Variants in MLC1 observed in about 807,000 individuals in gnomAD.
MLC1 encodes the protein membrane protein MLC1.
A neutral mutation model predicts 44.7 loss-of-function variants in MLC1; 32 were observed. The observed-to-expected ratio is 0.72, with a 90% CI of 0.54 to 0.96. The LOEUF (loss-of-function observed/expected upper bound fraction) is 0.96. MLC1 is among the 40% of genes least tolerant of loss of function. MLC1 has a pLI of 0.00. For synonymous variants in MLC1, 190 were observed against 213.0 expected, an observed-to-expected ratio of 0.89 and a Z score of 0.94; for missense variants, 459 against 492.2, an observed-to-expected ratio of 0.93 and a Z score of 0.64.
chr22:50,078,306 T>C (rs1365478216), intron 5 of MLC1, among the ~76,000 whole-genome samples: 1 of 151,852 alleles, frequency 6.6e-6, no homozygotes, highest in Non-Finnish European at 1.5e-5. Flanking sequence ...ATTTTTAAAA[T>C]ACATTTAAAA....
At chr22:50,070,616 G>T in intron 8 of MLC1, 33 bp from the exon 9 acceptor site, 1 of 1,544,982 alleles carries the variant, frequency 6.5e-7, no homozygotes, top group Non-Finnish European at 8.8e-7. Flanking sequence ...GATTTTAGAG[G>T]AAATAGTCGA....
intron 9 of MLC1, among the ~76,000 whole-genome samples, chr22:50,070,071 AG>A (rs1416978185): frequency 2.6e-5 from 4 of 151,912 alleles, no homozygotes; most frequent in African/African-American, 9.7e-5. Flanking sequence ...GCATGGTGGC[AG>A]GCGCCTATAA....
At chr22:50,085,244 C>T (rs1435565574) in intron 1 of MLC1, 111 bp downstream of exon 1, 20 of 1,216,776 alleles carry the variant, frequency 1.6e-5, no homozygotes, top group Non-Finnish European at 2.1e-6. Context: ...CAACTTCGTC[C>T]ATGAACACAT....
Position 50,068,556 on chromosome 22 carries a change from CT to C in MLC1, c.772-2del. ...TGCTTATGGCAATCAGGACCTCCACCTGGAAAAAAAGCGCGGGTTGCAGGAC... is the reference window on the plus strand; with the variant it reads ...TGCTTATGGCAATCAGGACCTCCACCGGAAAAAAAGCGCGGGTTGCAGGAC... On this transcript the variant is annotated splice_acceptor_variant, in intron 9 of 11. Coordinates refer to ENST00000311597, the MANE Select transcript of MLC1 (RefSeq NM_015166.4). LOFTEE classifies it high-confidence loss of function. 8 of 1,586,232 alleles carry C rather than the reference CT, an allele frequency of 5.0e-6. No homozygotes were observed. Among genetic ancestry groups the C allele is most frequent in the Non-Finnish European group, 6.9e-6 (8 of 1,162,366 alleles).
At chr22:50,062,244 A>G (rs113589399) in intron 11 of MLC1, among the ~76,000 whole-genome samples, 6,757 of 67,900 alleles carry the variant, frequency 0.1, 408 homozygotes, top group South Asian at 0.14. Context: ...CTGAGCCCCA[A>G]CCGCCCACCC....
chr22:50,068,282 G>C, intron 10 of MLC1, 151 bp downstream of exon 10: 1 of 1,180,648 alleles, frequency 8.5e-7, no homozygotes, highest in Non-Finnish European at 1.2e-6. Context: ...TGGGGAGCAC[G>C]GTCACCGCTG....
chr22:50,081,619 A>G (rs1482058707), intron 3 of MLC1, among the ~76,000 whole-genome samples: 1 of 152,192 alleles, frequency 6.6e-6, no homozygotes. Flanking sequence ...CCGGGCCCTG[A>G]GTCGGGGGTG....
At chr22:50,080,317 C>A (rs1404291302) in intron 4 of MLC1, 27 bp downstream of exon 4, 8 of 1,597,610 alleles carry the variant, frequency 5.0e-6, no homozygotes, top group Non-Finnish European at 6.8e-6. Context: ...TTCTCCCTGG[C>A]AGAGGCTGCC....
In MLC1 at chr22:50,064,067, G is replaced by T; in HGVS notation, c.1026C>A (p.Thr342=). The T allele has an allele frequency of 6.4e-7, 1 of 1,567,858 alleles. No homozygotes were observed. Among genetic ancestry groups the T allele is most frequent in the Non-Finnish European group, 8.6e-7 (1 of 1,160,100 alleles). ...CCAGGCGCTCCTGCGGGCCGTTCTG[G>T]GTGTCCCAGGATGCACCCTGCAGCC... ...SARLQGASWD[T]QNGPQERLAG... is the part of the protein sequence containing the mutation. The change falls in exon 11 of 12, where the codon ACC becomes ACA. Residue 342 remains threonine, a synonymous_variant. Coordinates refer to ENST00000311597, the MANE Select transcript of MLC1 (RefSeq NM_015166.4).
chr22:50,082,207 G>A (rs12484231), intron 3 of MLC1, among the ~76,000 whole-genome samples: 8 of 94,702 alleles, frequency 8.4e-5, no homozygotes, highest in Non-Finnish European at 1.5e-4. Context: ...CATGGGGTCC[G>A]CGGCTTGCGG....
chr22:50,081,029 G>GAAAGAAAGAAAGAAAGAAAGA, intron 3 of MLC1, among the ~76,000 whole-genome samples: 3 of 146,074 alleles, frequency 2.1e-5, no homozygotes, highest in Middle Eastern at 6.8e-3. Flanking sequence ...AAGAAAGAAA[G>GAAAGAAAGAAAGAAAGAAAGA]AAAGAAAGAA....
In MLC1 at chr22:50,080,341, C is replaced by T. The variant is rs750322287; in HGVS notation, c.321+3G>A. On this transcript the variant is annotated splice_donor_region_variant and intron_variant, in intron 4 of 11. Transcript: ENST00000311597. ...GCAGAGGCTGCCTGCAAGCTAGACT[C>T]ACCACATTGGCGTTCCTCCTGGAGA... 3.7e-6 allele frequency: 6 copies of T among 1,606,412 alleles called. No homozygotes were observed. In the East Asian group the frequency reaches 1.1e-4, roughly 30 times the overall value.
chr22:50,081,866 C>G (rs1476539168), intron 3 of MLC1, among the ~76,000 whole-genome samples: 1 of 152,242 alleles, frequency 6.6e-6, no homozygotes, highest in Non-Finnish European at 1.5e-5. Flanking sequence ...TGAAGGGGCA[C>G]AGCTCACAGC....
intron 7 of MLC1, chr22:50,074,623 G>A: frequency 2.3e-6 from 1 of 425,700 alleles, no homozygotes; most frequent in African/African-American, 2.0e-5. Flanking sequence ...AGTGGTGAGG[G>A]CAGAAAACCA....
At chr22:50,079,270 C>T (rs1307354177) in intron 5 of MLC1, among the ~76,000 whole-genome samples, 6 of 151,710 alleles carry the variant, frequency 4.0e-5, no homozygotes, top group African/African-American at 1.5e-4. Context: ...GGCGACAGAG[C>T]GAGATTCCTT....
At position 50,061,554 on chromosome 22, in the gene MLC1, C is replaced by T. The variant is rs370011599; in HGVS notation, c.*29G>A. 7.0e-5 allele frequency: 113 copies of T among 1,607,078 alleles called. No individual in the cohort carries two copies. The East Asian group carries it at 7.6e-4, about 11-fold the overall frequency. ...TTTCCATGCTTGGGGCCAGGCTGGG[C>T]GCTGCCACCCGGTTTCCGCGTCTGG... is the stretch of plus-strand genomic sequence containing the variant. On this transcript the variant is annotated 3_prime_UTR_variant, in exon 12 of 12. Coordinates refer to ENST00000311597, the MANE Select transcript of MLC1 (RefSeq NM_015166.4).
intron 8 of MLC1, among the ~76,000 whole-genome samples, chr22:50,072,052 A>G (rs2061864979): frequency 6.6e-6 from 1 of 152,226 alleles, no homozygotes; most frequent in African/African-American, 2.4e-5. Flanking sequence ...TGAGGTGTCA[A>G]TACAGGGGTC....
intron 11 of MLC1, 57 bp downstream of exon 11, chr22:50,063,953 ACAGGCTTCTCACCTCCCTGGCTGG>A: frequency 8.3e-7 from 1 of 1,198,204 alleles, no homozygotes; most frequent in Non-Finnish European, 1.1e-6. Flanking sequence ...CCCCCACCCC[ACAGGCTTCTCACCTCCCTGGCTGG>A]GCACCCCCGT....
intron 3 of MLC1, 144 bp downstream of exon 3, chr22:50,082,940 C>T: frequency 1.2e-6 from 1 of 839,060 alleles, no homozygotes; most frequent in Non-Finnish European, 2.0e-6. Flanking sequence ...GCTGGCATGA[C>T]AGCCATGAGC....
Sources: gnomAD v4.1 joint callset for allele counts (sites outside exome capture counted in the v4.1 genomes callset) on GRCh38, gnomAD v4.1.1 for gene constraint, MANE v1.5 for transcripts, NCBI Gene and HGNC (gene_info 2026-07-23, HGNC 2026-07-21) for gene names.